Variants in FOCAD observed in about 807,000 individuals in gnomAD.
The protein encoded by FOCAD is focadhesin.
In FOCAD, 198 loss-of-function variants were observed where a neutral mutation model predicts 225.6. The ratio of observed to expected loss-of-function variants is 0.88; its 90% CI spans 0.78 to 0.99. The LOEUF (loss-of-function observed/expected upper bound fraction) is 0.99, where lower values mean the gene tolerates loss of function less well. Ranked by LOEUF, FOCAD falls within the 50% of genes least tolerant of loss-of-function variation. The probability of loss-of-function intolerance (pLI) is 0.00; values close to 1 mark genes in which losing one functional copy is unlikely to be tolerated. For missense variants in FOCAD, 2,713 were observed against 2,123.6 expected, an observed-to-expected ratio of 1.28 and a Z score of -5.46; for synonymous variants, 897 against 755.0, an observed-to-expected ratio of 1.19 and a Z score of -3.08.
At chr9:20,917,151 T>C (rs1023085560) in intron 24 of FOCAD, among the ~76,000 whole-genome samples, 5 of 152,098 alleles carry the variant, frequency 3.3e-5, no homozygotes, top group African/African-American at 1.2e-4. Context: ...GGTACTAACA[T>C]ATAACTTTTA....
intron 2 of FOCAD, among the ~76,000 whole-genome samples, chr9:20,666,199 A>AAT (rs2131267887): frequency 6.6e-6 from 1 of 152,284 alleles, no homozygotes; most frequent in South Asian, 2.1e-4. Flanking sequence ...CTCATTGTTT[A>AAT]AACTATTTAC....
chr9:20,885,246 C>A lies in FOCAD; in HGVS notation c.2625+16C>A. On this transcript the variant is annotated intron_variant, in intron 21 of 43. Coordinates refer to ENST00000338382, the MANE Select transcript of FOCAD (RefSeq NM_001375567.1). Reference sequence around the variant, plus strand: ...TGTACATGAGGTAGGTTCCCGTGTCCTCTTCTTTATGTTTTAGTGTTTTCT... The same window carrying A: ...TGTACATGAGGTAGGTTCCCGTGTCATCTTCTTTATGTTTTAGTGTTTTCT... 2 of 1,446,950 alleles carry A rather than the reference C, an allele frequency of 1.4e-6. No individual in the cohort carries two copies. The highest frequency in any genetic ancestry group is 2.5e-5 in the Admixed American group (1 of 39,724). The allele number at this position is 1,446,950 out of a possible 1,614,324, so 89.6% of individuals were successfully genotyped here.
chr9:20,690,479 C>G (rs1243440663), intron 1 of FOCAD, among the ~76,000 whole-genome samples: 1 of 152,184 alleles, frequency 6.6e-6, no homozygotes, highest in Non-Finnish European at 1.5e-5. Flanking sequence ...ATCAGGCTTT[C>G]TCCCTCACCT....
chr9:20,912,661 C>A (rs1250929702), intron 22 of FOCAD, among the ~76,000 whole-genome samples: 1 of 152,100 alleles, frequency 6.6e-6, no homozygotes, highest in Non-Finnish European at 1.5e-5. Flanking sequence ...TACAACTTCT[C>A]TAGGATGTTA....
chr9:20,802,582 A>G (rs1032139901), intron 11 of FOCAD, among the ~76,000 whole-genome samples: 9 of 152,158 alleles, frequency 5.9e-5, no homozygotes, highest in African/African-American at 1.9e-4. Context: ...ACACATAAAT[A>G]TATTAGGTGT....
intron 5 of FOCAD, among the ~76,000 whole-genome samples, chr9:20,743,711 G>A (rs1827811357): frequency 6.6e-6 from 1 of 152,152 alleles, no homozygotes; most frequent in African/African-American, 2.4e-5. Context: ...TTCATTCAGT[G>A]GGTTTTGTGT....
intron 5 of FOCAD, among the ~76,000 whole-genome samples, chr9:20,754,813 A>C (rs1298959886): frequency 1.3e-5 from 2 of 152,174 alleles, no homozygotes; most frequent in Non-Finnish European, 2.9e-5. Context: ...ATGTGGCCCA[A>C]AATGTCAGTA....
chr9:20,780,576 A>G (rs1365562214), intron 9 of FOCAD, among the ~76,000 whole-genome samples: 2 of 152,144 alleles, frequency 1.3e-5, no homozygotes, highest in Non-Finnish European at 2.9e-5. Flanking sequence ...TATTCAAAGA[A>G]ATAGGATAAC....
intron 1 of FOCAD, among the ~76,000 whole-genome samples, chr9:20,686,318 A>G (rs1822664662): frequency 6.6e-6 from 1 of 152,014 alleles, no homozygotes; most frequent in African/African-American, 2.4e-5. Context: ...CACCACACCC[A>G]GCTAATTTTT....
chr9:20,723,135 T>C (rs1825916461), intron 4 of FOCAD, among the ~76,000 whole-genome samples: 1 of 152,256 alleles, frequency 6.6e-6, no homozygotes, highest in African/African-American at 2.4e-5. Context: ...TAGTGAATTA[T>C]CCTGTCATCT....
chr9:20,853,439 A>G (rs1210577030), intron 15 of FOCAD, among the ~76,000 whole-genome samples: 1 of 151,832 alleles, frequency 6.6e-6, no homozygotes, highest in East Asian at 1.9e-4. Flanking sequence ...ATAAGTATGT[A>G]CTACAAAGTG....
At position 20,819,764 on chromosome 9, in the gene FOCAD, C is replaced by T. The variant is rs1373620428; in HGVS notation, c.1456-32C>T. 5 of 1,182,924 alleles carry T rather than the reference C, an allele frequency of 4.2e-6. No homozygotes were observed. In the African/African-American group the frequency reaches 4.8e-5, roughly 11 times the overall value. The allele number at this position is 1,182,924 out of a possible 1,614,324, so 73.3% of individuals were successfully genotyped here. On this transcript the variant is annotated intron_variant, in intron 11 of 43. Transcript: ENST00000338382. Reference sequence around the variant, plus strand: ...TATATATTACTTTTTTGTAACAAGGCATATTTAATATATTTTAAAAATTCA... The same window carrying T: ...TATATATTACTTTTTTGTAACAAGGTATATTTAATATATTTTAAAAATTCA...
At chr9:20,981,274 C>A in intron 37 of FOCAD, 152 bp from the exon 38 acceptor site, 1 of 876,932 alleles carries the variant, frequency 1.1e-6, no homozygotes, top group Non-Finnish European at 1.8e-6. Flanking sequence ...GCCCATTGGA[C>A]CGTGAAGCTG....
At chr9:20,716,197 C>T (rs1396767661) in intron 2 of FOCAD, 1 of 436,194 alleles carries the variant, frequency 2.3e-6, no homozygotes, top group South Asian at 1.8e-5. Flanking sequence ...GGAGTCATAT[C>T]CTGCAGGTCC....
intron 11 of FOCAD, among the ~76,000 whole-genome samples, chr9:20,807,396 C>T (rs1822575565): frequency 1.3e-5 from 2 of 152,138 alleles, no homozygotes; most frequent in African/African-American, 2.4e-5. Flanking sequence ...TAGTGCTGTT[C>T]AATAGAAGTA....
chr9:20,823,252 G>A (rs1824519923), intron 15 of FOCAD, 137 bp downstream of exon 15: 1 of 949,942 alleles, frequency 1.1e-6, no homozygotes, highest in East Asian at 3.2e-5. Context: ...TTGGAAAAGT[G>A]AAGCAAGACC....
chr9:20,928,199 C>T (rs1564164290), intron 26 of FOCAD, among the ~76,000 whole-genome samples: 1 of 152,094 alleles, frequency 6.6e-6, no homozygotes, highest in Non-Finnish European at 1.5e-5. Flanking sequence ...TAAAAATAAT[C>T]TCTTTACTAG....
At chr9:20,945,980 G>GT (rs1837133674) in intron 29 of FOCAD, among the ~76,000 whole-genome samples, 3 of 152,136 alleles carry the variant, frequency 2.0e-5, no homozygotes, top group Non-Finnish European at 1.5e-5. Context: ...GATAGATTGG[G>GT]TGACTTGCCC....
intron 23 of FOCAD, among the ~76,000 whole-genome samples, 163 bp from the exon 24 acceptor site, chr9:20,916,730 G>A (rs570440669): frequency 6.7e-4 from 102 of 152,310 alleles, no homozygotes; most frequent in African/African-American, 2.2e-3. Context: ...TATCTGTAAA[G>A]CAGAGCCCTT....
Sources: gnomAD v4.1 joint callset for allele counts (sites outside exome capture counted in the v4.1 genomes callset) on GRCh38, gnomAD v4.1.1 for gene constraint, MANE v1.5 for transcripts, NCBI Gene and HGNC (gene_info 2026-07-23, HGNC 2026-07-21) for gene names.